NEBL: variants seen among roughly 807,000 people sequenced by gnomAD.
NEBL encodes the protein nebulette.
NEBL carries 122 observed loss-of-function variants against 140.2 expected under a neutral mutation model. That is an observed-to-expected ratio of 0.87 (90% confidence interval 0.75 to 1.01). NEBL has a LOEUF of 1.01. Ranked by LOEUF, NEBL falls within the 50% of genes least tolerant of loss-of-function variation. The pLI, the probability that NEBL is intolerant of heterozygous loss-of-function variation, is 0.00. For synonymous variants in NEBL, 436 were observed against 398.9 expected (o/e 1.09, Z -1.11); for missense variants, 1,365 against 1,231.3 (o/e 1.11, Z -1.62).
At chr10:21,257,710 C>T (rs1842676975) in intron 1 of NEBL, among the ~76,000 whole-genome samples, 1 of 151,962 alleles carries the variant, frequency 6.6e-6, no homozygotes, top group African/African-American at 2.4e-5. Context: ...ACAGTGAAAC[C>T]CCATCTCTAC....
chr10:20,885,824 G>A (rs1035396662), intron 4 of NEBL, among the ~76,000 whole-genome samples: 3 of 152,092 alleles, frequency 2.0e-5, no homozygotes, highest in Non-Finnish European at 4.4e-5. Flanking sequence ...TGCTTAGGTG[G>A]CCAGATATTG....
chr10:20,891,840 G>T (rs867013593), intron 2 of NEBL, among the ~76,000 whole-genome samples: 1 of 152,038 alleles, frequency 6.6e-6, no homozygotes, highest in African/African-American at 2.4e-5. Flanking sequence ...CAAGTGAATT[G>T]TGCAATATGA....
chr10:21,069,555 C>T (rs940931981), intron 2 of NEBL, among the ~76,000 whole-genome samples: 4 of 152,226 alleles, frequency 2.6e-5, no homozygotes, highest in South Asian at 2.1e-4. Flanking sequence ...CAATGAGTCT[C>T]GGGCCCATTA....
intron 4 of NEBL, among the ~76,000 whole-genome samples, chr10:20,883,221 C>T (rs1482783835): frequency 6.6e-6 from 1 of 152,166 alleles, no homozygotes; most frequent in African/African-American, 2.4e-5. Context: ...CTTTTGATGG[C>T]TATGCTGAGA....
At chr10:20,819,587 T>A in intron 19 of NEBL, 71 bp from the exon 20 acceptor site, 1 of 1,565,980 alleles carries the variant, frequency 6.4e-7, no homozygotes, top group Non-Finnish European at 8.8e-7. Context: ...GCAACAGATT[T>A]TTTTTAAATG....
intron 2 of NEBL, among the ~76,000 whole-genome samples, chr10:21,163,500 A>T (rs180988975): frequency 5.3e-5 from 8 of 152,316 alleles, no homozygotes; most frequent in Admixed American, 5.2e-4. Flanking sequence ...ACTCTGGATC[A>T]ATTAATGGAT....
At chr10:20,893,273 AG>A (rs2131387663) in intron 2 of NEBL, among the ~76,000 whole-genome samples, 1 of 152,350 alleles carries the variant, frequency 6.6e-6, no homozygotes, top group Admixed American at 6.5e-5. Context: ...TAGAGAGGAT[AG>A]GTTTAACTTA....
chr10:21,028,935 A>T, intron 2 of NEBL: 1 of 475,968 alleles, frequency 2.1e-6, no homozygotes, highest in South Asian at 3.6e-5. Context: ...CCACTAAAAA[A>T]TAGCTATACT....
intron 2 of NEBL, among the ~76,000 whole-genome samples, chr10:21,133,516 C>T (rs1321041614): frequency 6.6e-6 from 1 of 152,128 alleles, no homozygotes; most frequent in Non-Finnish European, 1.5e-5. Flanking sequence ...TCAAGTTATT[C>T]TCTTTTCTGT....
At chr10:21,041,975 G>A (rs1834288077) in intron 2 of NEBL, among the ~76,000 whole-genome samples, 1 of 152,158 alleles carries the variant, frequency 6.6e-6, no homozygotes, top group East Asian at 1.9e-4. Flanking sequence ...ATGACCAGAG[G>A]TCACTTTGAT....
At chr10:20,789,241 A>C (rs1302767726) in intron 26 of NEBL, among the ~76,000 whole-genome samples, 2 of 152,160 alleles carry the variant, frequency 1.3e-5, no homozygotes, top group Admixed American at 6.6e-5. Context: ...TTACTACTTG[A>C]ATCTATTTGT....
intron 1 of NEBL, among the ~76,000 whole-genome samples, chr10:21,254,974 T>C (rs975066455): frequency 7.9e-5 from 12 of 152,150 alleles, no homozygotes; most frequent in Admixed American, 3.9e-4. Context: ...TAGCCACACA[T>C]AGTGTGTGTT....
intron 2 of NEBL, among the ~76,000 whole-genome samples, chr10:21,035,830 G>A (rs1239670175): frequency 6.6e-6 from 1 of 152,058 alleles, no homozygotes; most frequent in Non-Finnish European, 1.5e-5. Flanking sequence ...TATATAACAT[G>A]TACATACATA....
chr10:20,970,588 G>T (rs927418599), intron 3 of NEBL, among the ~76,000 whole-genome samples: 1 of 152,064 alleles, frequency 6.6e-6, no homozygotes, highest in Non-Finnish European at 1.5e-5. Context: ...GGTGAAGGCT[G>T]CAGTGAGCTG....
In NEBL at chr10:20,831,064, G is replaced by A. The variant is rs534654366; in HGVS notation, c.1671+132C>T. ...TACGGTTAATCAAGTTTGGCCAATG[G>A]TTTCTTAGTGAAAGAGTACACTAGC... On this transcript the variant is annotated intron_variant, in intron 16 of 27. Transcript: ENST00000377122. 44 of 738,838 alleles carry A rather than the reference G, an allele frequency of 6.0e-5. No individual in the cohort carries two copies. The African/African-American group carries it at 6.2e-4, about 10-fold the overall frequency. The allele number at this position is 738,838 out of a possible 1,614,324, so 45.8% of individuals were successfully genotyped here. A position where few individuals can be genotyped will look rare whatever the true frequency, so the allele number is the denominator to read the frequency against.
chr10:21,280,790 T>A (rs1159244355), intron 1 of NEBL, among the ~76,000 whole-genome samples: 1 of 151,844 alleles, frequency 6.6e-6, no homozygotes, highest in Non-Finnish European at 1.5e-5. Flanking sequence ...AATTGTTGTA[T>A]TTTTAGTAGA....
At chr10:21,285,567 C>T (rs1469354701) in intron 1 of NEBL, among the ~76,000 whole-genome samples, 1 of 152,222 alleles carries the variant, frequency 6.6e-6, no homozygotes, top group East Asian at 1.9e-4. Flanking sequence ...GCCCCAACCA[C>T]CTTGGGGACA....
At position 20,780,327 on chromosome 10, in the gene NEBL, T is replaced by A. The variant is rs1278890417; in HGVS notation, c.*5420A>T. The A allele has an allele frequency of 2.0e-5, 3 of 152,238 alleles. No individual in the cohort carries two copies. Among genetic ancestry groups the A allele is most frequent in the Non-Finnish European group, 2.9e-5 (2 of 68,050 alleles). The allele number at this position is 152,238 out of a possible 1,614,324, so 9.4% of individuals were successfully genotyped here. A position where few individuals can be genotyped will look rare whatever the true frequency, so the allele number is the denominator to read the frequency against. ...TTAGAATTGTACTATTGAGGACATATGAGGAATTTATTCTTGAAATAAATT... is the reference window on the plus strand; with the variant it reads ...TTAGAATTGTACTATTGAGGACATAAGAGGAATTTATTCTTGAAATAAATT... On this transcript the variant is annotated 3_prime_UTR_variant, in exon 28 of 28. Transcript: ENST00000377122.
chr10:20,790,488 C>G lies in NEBL; in HGVS notation c.2762-3180G>C, dbSNP rs1835857323. Among the ~76,000 whole-genome samples the G allele has an allele frequency of 2.6e-5, 4 of 151,604 alleles. No individual in the cohort carries two copies. In the South Asian group the frequency reaches 8.4e-4, roughly 32 times the overall value. On this transcript the variant is annotated intron_variant, in intron 26 of 27. Coordinates refer to ENST00000377122, the MANE Select transcript of NEBL (RefSeq NM_006393.3). ...GTGGGGTGTGTGCCTGTAATCCCAG[C>G]TACTCGGGAGGCTGAGGTAGGAGAA... is the stretch of plus-strand genomic sequence containing the variant.
Sources: gnomAD v4.1 joint callset for allele counts (sites outside exome capture counted in the v4.1 genomes callset) on GRCh38, gnomAD v4.1.1 for gene constraint, MANE v1.5 for transcripts, NCBI Gene and HGNC (gene_info 2026-07-23, HGNC 2026-07-21) for gene names.